The following SLC9A9 variants were observed in gnomAD, a reference collection of about 807,000 sequenced individuals.
SLC9A9 encodes the protein solute carrier family 9 member A9.
A neutral mutation model predicts 77.8 loss-of-function variants in SLC9A9; 62 were observed. The ratio of observed to expected loss-of-function variants is 0.80; its 90% confidence interval spans 0.65 to 0.98. The LOEUF (loss-of-function observed/expected upper bound fraction) is 0.98, where lower values mean the gene tolerates loss of function less well. SLC9A9 is among the 50% of genes least tolerant of loss of function. The probability of loss-of-function intolerance (pLI) is 0.00; values close to 1 mark genes in which losing one functional copy is unlikely to be tolerated. For synonymous variants in SLC9A9, 320 were observed against 283.5 expected (o/e 1.13, Z -1.29); for missense variants, 775 against 774.9 (o/e 1.00, Z 0.00).
chr3:143,824,743 G>A (rs544627635), intron 2 of SLC9A9, among the ~76,000 whole-genome samples: 1 of 152,196 alleles, frequency 6.6e-6, no homozygotes, highest in African/African-American at 2.4e-5. Context: ...GTTGTTCAAT[G>A]ATGAAATCAA....
intron 12 of SLC9A9, among the ~76,000 whole-genome samples, chr3:143,414,474 C>T (rs1326385388): frequency 2.0e-5 from 3 of 152,184 alleles, no homozygotes; most frequent in Non-Finnish European, 2.9e-5. Context: ...GTAGAATGTG[C>T]TCTTTTCAGG....
intron 12 of SLC9A9, among the ~76,000 whole-genome samples, chr3:143,457,429 T>C (rs1045946288): frequency 2.0e-5 from 3 of 152,186 alleles, no homozygotes; most frequent in Admixed American, 6.5e-5. Flanking sequence ...GGTCATCGAT[T>C]TTTCTCTACT....
chr3:143,314,100 C>T (rs1272058398), intron 14 of SLC9A9: 1 of 152,268 alleles, frequency 6.6e-6, no homozygotes, highest in East Asian at 1.9e-4. Flanking sequence ...AAGCCTCTGT[C>T]TCCCCCATTG....
chr3:143,822,006 G>T (rs796385943), intron 2 of SLC9A9, among the ~76,000 whole-genome samples: 2 of 152,154 alleles, frequency 1.3e-5, no homozygotes, highest in South Asian at 4.1e-4. Context: ...TTTAGGGATT[G>T]CCAAGACTGC....
rs764842484 is a variant in SLC9A9, at chr3:143,495,424, C to A, written c.1114G>T (p.Ala372Ser). 3 of 1,613,918 alleles carry A rather than the reference C, an allele frequency of 1.9e-6. No homozygotes were observed. Among genetic ancestry groups the A allele is most frequent in the Non-Finnish European group, 8.5e-7 (1 of 1,179,882 alleles). Residue 372 changes from alanine to serine, a missense_variant, in exon 10 of 16, where the codon GCG (alanine) becomes TCG (serine). By Grantham distance (99) the Ala-to-Ser change is moderately conservative. Transcript: ENST00000316549. Reference protein sequence around the residue: ...KQLFEFMNFLAENVIFCYMGL... With the variant: ...KQLFEFMNFLSENVIFCYMGL... ...ATGTAACAGAAGATGACGTTCTCCG[C>A]CAAAAAGTTCATAAATTCAAACAAC...
Position 143,594,649 on chromosome 3 carries a change from G to C in SLC9A9, c.756-15926C>G, listed in dbSNP as rs190332706. Among the ~76,000 whole-genome samples, 4 of 152,188 alleles carry C rather than the reference G, an allele frequency of 2.6e-5. No individual in the cohort carries two copies. The East Asian group carries it at 7.7e-4, about 29-fold the overall frequency. ...TTTGTTGTATGTGGTGGTCCCAAAC[G>C]GTAAGTTCCTATCTTGGGTCCTATG... On this transcript the variant is annotated intron_variant, in intron 6 of 15. Transcript: ENST00000316549.
At chr3:143,484,863 G>A (rs1280824336) in intron 11 of SLC9A9, among the ~76,000 whole-genome samples, 1 of 152,114 alleles carries the variant, frequency 6.6e-6, no homozygotes, top group African/African-American at 2.4e-5. Flanking sequence ...TTTTTAATCT[G>A]TAAAAAGAGA....
At chr3:143,548,242 G>A (rs1377348397) in intron 9 of SLC9A9, among the ~76,000 whole-genome samples, 2 of 152,104 alleles carry the variant, frequency 1.3e-5, no homozygotes, top group South Asian at 2.1e-4. Flanking sequence ...AAATACAGCC[G>A]ATGGGAACAC....
At chr3:143,719,361 T>G (rs1375191143) in intron 4 of SLC9A9, among the ~76,000 whole-genome samples, 2 of 151,702 alleles carry the variant, frequency 1.3e-5, no homozygotes, top group Non-Finnish European at 2.9e-5. Context: ...ATTGTATATT[T>G]AAACCCTGAT....
intron 14 of SLC9A9, among the ~76,000 whole-genome samples, chr3:143,289,678 C>T (rs533482492): frequency 1.3e-5 from 2 of 152,330 alleles, no homozygotes; most frequent in Admixed American, 1.3e-4. Flanking sequence ...ACCCATCTGT[C>T]CATCCATCTA....
intron 8 of SLC9A9, among the ~76,000 whole-genome samples, chr3:143,557,573 T>C (rs1170510879): frequency 6.6e-6 from 1 of 152,162 alleles, no homozygotes; most frequent in African/African-American, 2.4e-5. Flanking sequence ...TAGAGACTTG[T>C]TGAATGACTT....
intron 4 of SLC9A9, among the ~76,000 whole-genome samples, chr3:143,702,221 G>A (rs1933823425): frequency 6.6e-6 from 1 of 152,072 alleles, no homozygotes; most frequent in Non-Finnish European, 1.5e-5. Flanking sequence ...ATAATCTGAA[G>A]TTACAAAACT....
intron 4 of SLC9A9, among the ~76,000 whole-genome samples, chr3:143,749,349 T>C (rs1273883131): frequency 6.6e-6 from 1 of 152,060 alleles, no homozygotes; most frequent in East Asian, 1.9e-4. Flanking sequence ...AGAAGAAAAT[T>C]AGCTGTAAAA....
intron 4 of SLC9A9, among the ~76,000 whole-genome samples, chr3:143,742,762 A>G (rs1374757911): frequency 1.3e-5 from 2 of 152,224 alleles, no homozygotes; most frequent in African/African-American, 4.8e-5. Context: ...TTTGTTCATT[A>G]GTTATAACAA....
chr3:143,348,572 A>G (rs947232835), intron 14 of SLC9A9, among the ~76,000 whole-genome samples: 1 of 152,206 alleles, frequency 6.6e-6, no homozygotes, highest in African/African-American at 2.4e-5. Context: ...TTTTTTTCAT[A>G]TAAAACCATG....
At chr3:143,803,120 A>G (rs2108865092) in intron 2 of SLC9A9, among the ~76,000 whole-genome samples, 1 of 152,170 alleles carries the variant, frequency 6.6e-6, no homozygotes, top group Non-Finnish European at 1.5e-5. Context: ...ATAGTACCCC[A>G]ACTGCCGTCC....
At position 143,265,320 on chromosome 3, in the gene SLC9A9, T is replaced by C. The variant is rs1306129776; in HGVS notation, c.*1382A>G. 1 of 152,322 alleles carries C rather than the reference T, an allele frequency of 6.6e-6. No individual in the cohort carries two copies. Among genetic ancestry groups the C allele is most frequent in the Non-Finnish European group, 1.5e-5 (1 of 68,102 alleles). The allele number at this position is 152,322 out of a possible 1,614,324, so 9.4% of individuals were successfully genotyped here. The stretch of plus-strand genomic sequence containing the variant: ...CTGAAATGACAAAGTTATACTTAGC[T>C]TGAGTGTAAAACTTGTGCCCCAGAG... On this transcript the variant is annotated 3_prime_UTR_variant, in exon 16 of 16. Transcript: ENST00000316549.
intron 13 of SLC9A9, among the ~76,000 whole-genome samples, chr3:143,368,442 G>A (rs1044794763): frequency 6.6e-6 from 1 of 152,282 alleles, no homozygotes; most frequent in South Asian, 2.1e-4. Context: ...TCAAATATGA[G>A]GAATTTGCTA....
intron 6 of SLC9A9, among the ~76,000 whole-genome samples, chr3:143,583,869 T>A (rs2037495892): frequency 1.3e-5 from 2 of 152,238 alleles, no homozygotes; most frequent in Admixed American, 1.3e-4. Context: ...CCACTCTGAC[T>A]GTCCCAGGCC....
Sources: gnomAD v4.1 joint callset for allele counts (sites outside exome capture counted in the v4.1 genomes callset) on GRCh38, gnomAD v4.1.1 for gene constraint, MANE v1.5 for transcripts, NCBI Gene and HGNC (gene_info 2026-07-23, HGNC 2026-07-21) for gene names.